GPR155: variants seen among roughly 807,000 people sequenced by gnomAD.
GPR155 encodes G protein-coupled receptor 155.
In GPR155, 65 loss-of-function variants were observed where a neutral mutation model predicts 93.1. The observed-to-expected ratio is 0.70, with a 90% CI of 0.57 to 0.86. The LOEUF (loss-of-function observed/expected upper bound fraction) is 0.86, where lower values mean the gene tolerates loss of function less well. Among genes scored for constraint, GPR155 ranks in the 40% least tolerant of loss-of-function variants. The pLI is 0.00. For synonymous variants in GPR155, 319 were observed against 360.1 expected (o/e 0.89, Z 1.29); for missense variants, 838 against 1,034.8 (o/e 0.81, Z 2.61).
rs191041851 is a variant in GPR155 at position 174,474,340 on chromosome 2, G to A, written c.461-976C>T. ...AAAATGAACAACCTCCATTTGAGAG[G>A]AATGAAAAGGAATGAATGCCTTCAA... On this transcript the variant is annotated intron_variant, in intron 2 of 15. Coordinates refer to ENST00000392552, the MANE Select transcript of GPR155 (RefSeq NM_152529.7). Among the ~76,000 whole-genome samples the A allele has an allele frequency of 2.0e-3, 299 of 152,262 alleles. 4 individuals carry two copies. The highest frequency in any genetic ancestry group is 6.8e-3 in the Middle Eastern group (2 of 294).
At chr2:174,446,536 C>T in intron 12 of GPR155, 75 bp downstream of exon 12, 1 of 1,424,488 alleles carries the variant, frequency 7.0e-7, no homozygotes, top group Non-Finnish European at 9.7e-7. Flanking sequence ...CTAAGTTTTT[C>T]CCGGATGCCT....
At chr2:174,439,833 C>A (rs1686900686) in intron 15 of GPR155, 65 bp downstream of exon 15, 2 of 1,405,388 alleles carry the variant, frequency 1.4e-6, no homozygotes, top group Non-Finnish European at 2.0e-6. Flanking sequence ...CTATTACAAT[C>A]CAAAATTAAT....
At chr2:174,466,280 CAATT>C (rs1358877724) in intron 6 of GPR155, among the ~76,000 whole-genome samples, 4 of 152,016 alleles carry the variant, frequency 2.6e-5, no homozygotes, top group African/African-American at 9.7e-5. Flanking sequence ...TGAAAGAGTT[CAATT>C]ATTAATGATT....
intron 9 of GPR155, among the ~76,000 whole-genome samples, chr2:174,461,064 G>C (rs573389967): frequency 2.1e-5 from 3 of 143,794 alleles, no homozygotes; most frequent in African/African-American, 7.8e-5. Flanking sequence ...ATTTATGATA[G>C]GATTAAGAGT....
At chr2:174,464,060 T>G (rs959025419) in intron 7 of GPR155, among the ~76,000 whole-genome samples, 10 of 152,222 alleles carry the variant, frequency 6.6e-5, no homozygotes, top group African/African-American at 2.2e-4. Context: ...GCATCACTCC[T>G]GCCTTGTGAA....
At chr2:174,446,330 A>AG (rs1687129551) in intron 12 of GPR155, among the ~76,000 whole-genome samples, 9 of 136,298 alleles carry the variant, frequency 6.6e-5, no homozygotes, top group Non-Finnish European at 9.4e-5. Flanking sequence ...ATAAAAAATA[A>AG]AAAGAAATAG....
At chr2:174,463,262 G>A (rs943457288) in intron 7 of GPR155, among the ~76,000 whole-genome samples, 1 of 151,748 alleles carries the variant, frequency 6.6e-6, no homozygotes, top group African/African-American at 2.4e-5. Context: ...ACCAGGTTGG[G>A]GTACAGTAGC....
chr2:174,483,832 G>A lies in GPR155; in HGVS notation c.-31-1845C>T, dbSNP rs1027717298. On this transcript the variant is annotated intron_variant, in intron 1 of 15. Transcript: ENST00000392552. ...ACTCCCAACCTCAGGTGATCTGCCC[G>A]CCTCGGCCTCCCAAAATGCTGGGAT... Among the ~76,000 whole-genome samples, 221 of 152,038 alleles carry A rather than the reference G, an allele frequency of 1.5e-3. 17 individuals carry two copies. The highest frequency in any genetic ancestry group is 2.8e-4 in the Non-Finnish European group (19 of 67,994).
At chr2:174,454,845 AGGAAGGAAG>A (rs1355011994) in intron 10 of GPR155, among the ~76,000 whole-genome samples, 3 of 53,168 alleles carry the variant, frequency 5.6e-5, no homozygotes, top group African/African-American at 1.9e-4. Flanking sequence ...AGGAAGGAAA[AGGAAGGAAG>A]GGAAGGAAGG....
At chr2:174,484,762 T>A (rs952267777) in intron 1 of GPR155, among the ~76,000 whole-genome samples, 1 of 151,968 alleles carries the variant, frequency 6.6e-6, no homozygotes, top group Non-Finnish European at 1.5e-5. Flanking sequence ...AAAACCTTAG[T>A]CTCTACAAAA....
chr2:174,473,326 G>A lies in GPR155; in HGVS notation c.499C>T (p.Gln167Ter). Residue 167 changes from glutamine (Q) to a stop codon, truncating the protein, a stop_gained, in exon 3 of 16, where the codon CAG becomes TAG. Coordinates refer to ENST00000392552, the MANE Select transcript of GPR155 (RefSeq NM_152529.7). LOFTEE classifies it high-confidence loss of function. Reference sequence around the variant, plus strand: ...ATTGGTGCCACCAAATAAATGTACTGGAGATATTCTGGGTATGTAGTTTGA... The same window carrying A: ...ATTGGTGCCACCAAATAAATGTACTAGAGATATTCTGGGTATGTAGTTTGA... ...LYQTTYPEYL[Q>*]YIYLVAPISL... 3.8e-6 allele frequency: 6 copies of A among 1,599,444 alleles called. No homozygotes were observed. Among genetic ancestry groups the A allele is most frequent in the Non-Finnish European group, 5.1e-6 (6 of 1,172,178 alleles).
chr2:174,472,429 AC>A lies in GPR155; in HGVS notation c.860+535del, dbSNP rs200374486. Among the ~76,000 whole-genome samples, 1,264 of 152,276 alleles carry A rather than the reference AC, an allele frequency of 8.3e-3. 18 individuals carry two copies. Among genetic ancestry groups the A allele is most frequent in the East Asian group, 0.034 (175 of 5,180 alleles). On this transcript the variant is annotated intron_variant, in intron 3 of 15. Coordinates refer to ENST00000392552, the MANE Select transcript of GPR155 (RefSeq NM_152529.7). ...TCAAACAAAAACAAAAACAACAACA[AC>A]AAAAAAGAAGTTGATGAGCACTTTT...
At chr2:174,454,870 GAAGGAAGA>G (rs1180230973) in intron 10 of GPR155, among the ~76,000 whole-genome samples, 2 of 151,152 alleles carry the variant, frequency 1.3e-5, no homozygotes, top group Non-Finnish European at 2.9e-5. Flanking sequence ...GAAGGGAAAG[GAAGGAAGA>G]GAAGGAAGGG....
At chr2:174,449,602 T>C (rs1445960395) in intron 11 of GPR155, among the ~76,000 whole-genome samples, 1 of 152,132 alleles carries the variant, frequency 6.6e-6, no homozygotes, top group Non-Finnish European at 1.5e-5. Context: ...CCCAGAACTT[T>C]GGGAGGACAA....
chr2:174,452,954 G>A (rs1687365672), intron 11 of GPR155, among the ~76,000 whole-genome samples: 1 of 152,134 alleles, frequency 6.6e-6, no homozygotes, highest in Non-Finnish European at 1.5e-5. Context: ...CTGGCCAAGA[G>A]GTTATTACTT....
chr2:174,456,206 G>T (rs1687512690), intron 10 of GPR155, among the ~76,000 whole-genome samples: 2 of 152,096 alleles, frequency 1.3e-5, no homozygotes, highest in Admixed American at 6.6e-5. Flanking sequence ...AAAGGGGTCA[G>T]GTTAGAGATG....
intron 1 of GPR155, among the ~76,000 whole-genome samples, chr2:174,482,485 T>C (rs1170853377): frequency 1.3e-5 from 2 of 152,156 alleles, no homozygotes; most frequent in Non-Finnish European, 2.9e-5. Context: ...TTCCAGCCCG[T>C]GGTCATATTT....
At position 174,431,614 on chromosome 2, in the gene GPR155, T is replaced by C. The variant is rs2105647535; in HGVS notation, c.*4502A>G. 1 of 152,340 alleles carries C rather than the reference T, an allele frequency of 6.6e-6. No individual in the cohort carries two copies. The highest frequency in any genetic ancestry group is 1.5e-5 in the Non-Finnish European group (1 of 68,032). 9.4% of individuals were successfully genotyped at this position (152,340 alleles called of 1,614,324 possible). On this transcript the variant is annotated 3_prime_UTR_variant, in exon 16 of 16. Transcript: ENST00000392552. The stretch of plus-strand genomic sequence containing the variant: ...CCTTTTATCATACCAATTGCAGAAA[T>C]TTATAATCTCATCTTTTCTTGAAGA...
At chr2:174,485,436 A>G (rs895499482) in intron 1 of GPR155, among the ~76,000 whole-genome samples, 5 of 152,134 alleles carry the variant, frequency 3.3e-5, no homozygotes, top group African/African-American at 1.2e-4. Flanking sequence ...GTCTCTACTA[A>G]AAAGACAAAA....
Sources: gnomAD v4.1 joint callset for allele counts (sites outside exome capture counted in the v4.1 genomes callset) on GRCh38, gnomAD v4.1.1 for gene constraint, MANE v1.5 for transcripts, NCBI Gene and HGNC (gene_info 2026-07-23, HGNC 2026-07-21) for gene names.